Variants in STRBP observed in about 807,000 individuals in gnomAD.
The protein encoded by STRBP is spermatid perinuclear RNA-binding protein.
A neutral mutation model predicts 80.1 loss-of-function variants in STRBP; 13 were observed. That is an observed-to-expected ratio of 0.16 (90% CI 0.11 to 0.26). The LOEUF (loss-of-function observed/expected upper bound fraction) is 0.26, where lower values mean the gene tolerates loss of function less well. Among genes scored for constraint, STRBP ranks in the 10% least tolerant of loss-of-function variants. The pLI is 1.00. For synonymous variants in STRBP, 284 were observed against 291.2 expected (o/e 0.98, Z 0.25); for missense variants, 485 against 815.2 (o/e 0.59, Z 4.93).
intron 1 of STRBP, among the ~76,000 whole-genome samples, chr9:123,258,755 C>G (rs1234215440): frequency 6.9e-6 from 1 of 145,092 alleles, no homozygotes; most frequent in Non-Finnish European, 1.5e-5. Flanking sequence ...GAGCCAAGAT[C>G]GGGCCACTGC....
At chr9:123,137,229 G>A (rs1450877097) in intron 14 of STRBP, among the ~76,000 whole-genome samples, 1 of 152,108 alleles carries the variant, frequency 6.6e-6, no homozygotes, top group African/African-American at 2.4e-5. Flanking sequence ...TGAAAACAGA[G>A]GCTAGCATCA....
At chr9:123,226,751 G>A (rs995967247) in intron 2 of STRBP, among the ~76,000 whole-genome samples, 4 of 152,088 alleles carry the variant, frequency 2.6e-5, no homozygotes, top group East Asian at 1.9e-4. Flanking sequence ...TCAGCTTAGC[G>A]GTGTTGGGGA....
chr9:123,166,901 G>C (rs1220736665), intron 6 of STRBP, among the ~76,000 whole-genome samples: 1 of 152,196 alleles, frequency 6.6e-6, no homozygotes, highest in East Asian at 1.9e-4. Context: ...GGGCGTTCAA[G>C]TAAAGGGTTA....
Position 123,204,485 on chromosome 9 carries a change from T to C in STRBP, c.-164-20187A>G, listed in dbSNP as rs141032692. Among the ~76,000 whole-genome samples, 20 of 152,308 alleles carry C rather than the reference T, an allele frequency of 1.3e-4. No individual in the cohort carries two copies. The East Asian group carries it at 3.7e-3, about 28-fold the overall frequency. Reference sequence around the variant, plus strand: ...GATCAAACATGAAATAGCACCAGAATAGTACATGACTCCGTAGCTATTTAT... The same window carrying C: ...GATCAAACATGAAATAGCACCAGAACAGTACATGACTCCGTAGCTATTTAT... On this transcript the variant is annotated intron_variant, in intron 2 of 18. Transcript: ENST00000348403.
At position 123,136,513 on chromosome 9, in the gene STRBP, T is replaced by C. The variant is rs1294008179; in HGVS notation, c.1500A>G (p.Val500=). 1.2e-6 allele frequency: 2 copies of C among 1,613,158 alleles called. No individual in the cohort carries two copies. The highest frequency in any genetic ancestry group is 1.7e-6 in the Non-Finnish European group (2 of 1,179,804). Residue 500 remains valine, a splice_region_variant and synonymous_variant, in exon 15 of 19, where the codon GTA becomes GTG. Transcript: ENST00000348403. This position sits in a 1 kb window ranked among gnomAD's most constrained non-coding sequence, Gnocchi z 4.2. ...CTGTGAGGATAGGGCCCTGAGTTCT[T>C]ACCTATAAGAGAAAGGGAATCTGAA... is the stretch of plus-strand genomic sequence containing the variant. ...STTETSSTLE[V]RTQGPILTAS... is the part of the protein sequence containing the mutation.
chr9:123,248,946 T>C (rs1343023817), intron 1 of STRBP, among the ~76,000 whole-genome samples: 3 of 152,254 alleles, frequency 2.0e-5, no homozygotes, highest in Non-Finnish European at 2.9e-5. Context: ...GCTCTGTCTA[T>C]AAAAAGCACT....
intron 1 of STRBP, among the ~76,000 whole-genome samples, chr9:123,260,597 A>G (rs987191058): frequency 7.2e-5 from 11 of 152,164 alleles, no homozygotes; most frequent in Non-Finnish European, 1.5e-4. Flanking sequence ...ATAAGGAATT[A>G]TTGTTAATTT....
chr9:123,133,521 T>A (rs545124387), intron 16 of STRBP, among the ~76,000 whole-genome samples: 1 of 151,752 alleles, frequency 6.6e-6, no homozygotes, highest in East Asian at 2.0e-4. Context: ...TATGTATGTA[T>A]CCACTACTAA....
intron 2 of STRBP, among the ~76,000 whole-genome samples, chr9:123,212,340 C>A (rs990548243): frequency 6.6e-6 from 1 of 152,142 alleles, no homozygotes; most frequent in Non-Finnish European, 1.5e-5. Flanking sequence ...AATTGATAAG[C>A]ATTTGTCGAA....
chr9:123,268,261 C>T (rs1047637859), intron 1 of STRBP, among the ~76,000 whole-genome samples, 175 bp downstream of exon 1: 4 of 150,820 alleles, frequency 2.7e-5, no homozygotes, highest in African/African-American at 7.3e-5. Flanking sequence ...GCCGCGGGGC[C>T]GGGATTGCTC....
At chr9:123,260,140 G>A (rs1399714655) in intron 1 of STRBP, among the ~76,000 whole-genome samples, 1 of 152,212 alleles carries the variant, frequency 6.6e-6, no homozygotes, top group African/African-American at 2.4e-5. Context: ...ATGAAATATA[G>A]TATGTGTGTG....
chr9:123,166,785 CAACAACAAA>C (rs747898539), intron 6 of STRBP, among the ~76,000 whole-genome samples: 1,665 of 79,516 alleles, frequency 0.021, 30 homozygotes, highest in African/African-American at 0.074. Context: ...ACAACAACAA[CAACAACAAA>C]AAAACAAGCC....
At chr9:123,121,611 TTTTTG>T (rs1446899754), downstream of STRBP, 4 of 23,388 alleles carry the variant, frequency 1.7e-4, no homozygotes, top group Admixed American at 1.7e-3. Context: ...TAATATTTTG[TTTTTG>T]TTTTTTTTTT....
chr9:123,147,193 A>C (rs2036847152), intron 12 of STRBP, 139 bp from the exon 13 acceptor site: 5 of 560,962 alleles, frequency 8.9e-6, no homozygotes, highest in African/African-American at 3.7e-5. Context: ...GATTAACCTC[A>C]TAAGTAATTC....
intron 1 of STRBP, among the ~76,000 whole-genome samples, chr9:123,241,732 G>C (rs912224326): frequency 3.9e-5 from 6 of 151,934 alleles, no homozygotes; most frequent in African/African-American, 1.5e-4. Context: ...TCCTTTCCTA[G>C]AATAATCACC....
intron 11 of STRBP, 73 bp from the exon 12 acceptor site, chr9:123,147,943 T>C: frequency 5.6e-6 from 7 of 1,258,454 alleles, no homozygotes; most frequent in Non-Finnish European, 7.7e-6. Flanking sequence ...GTATCTAACA[T>C]GTTCAGGTAG....
At chr9:123,185,549 T>C (rs965833615) in intron 2 of STRBP, among the ~76,000 whole-genome samples, 1 of 152,162 alleles carries the variant, frequency 6.6e-6, no homozygotes, top group African/African-American at 2.4e-5. Flanking sequence ...CAAAATATGA[T>C]CCCACAGTAA....
rs1037383426 is a variant in STRBP, at chr9:123,268,466, A to G, written c.-332T>C. 8.9e-4 allele frequency: 140 copies of G among 157,522 alleles called. No individual in the cohort carries two copies. Among genetic ancestry groups the G allele is most frequent in the African/African-American group, 3.1e-3 (125 of 39,728 alleles). The allele number at this position is 157,522 out of a possible 1,614,324, so 9.8% of individuals were successfully genotyped here. ...CCGCCGCGCTCTGCCCGCGCCCGGT[A>G]CCCGCTCCCGCTCCGCCGCCGCCGC... On this transcript the variant is annotated 5_prime_UTR_variant, in exon 1 of 19. Transcript: ENST00000348403.
intron 1 of STRBP, among the ~76,000 whole-genome samples, chr9:123,241,197 A>T (rs1222121005): frequency 6.7e-6 from 1 of 150,300 alleles, no homozygotes; most frequent in Non-Finnish European, 1.5e-5. Context: ...AAAAAAAAAC[A>T]AAGTGATTTA....
Sources: allele counts gnomAD v4.1 joint callset (sites outside exome capture counted in the v4.1 genomes callset), GRCh38; gene constraint gnomAD v4.1.1; non-coding constraint Gnocchi (gnomAD v3.1); transcripts MANE v1.5; gene names NCBI Gene and HGNC (gene_info 2026-07-23, HGNC 2026-07-21).